The following ADAMTSL1 variants were observed in gnomAD, a reference collection of about 807,000 sequenced individuals.
ADAMTSL1 encodes ADAMTS like 1.
In ADAMTSL1, 126 loss-of-function variants were observed where a neutral mutation model predicts 201.8. The ratio of observed to expected loss-of-function variants is 0.62; its 90% confidence interval spans 0.54 to 0.72. ADAMTSL1 has a LOEUF of 0.72. ADAMTSL1 is among the 30% of genes least tolerant of loss of function. ADAMTSL1 has a pLI of 0.00. For synonymous variants in ADAMTSL1, 1,121 were observed against 903.4 expected, an observed-to-expected ratio of 1.24 and a Z score of -4.32; for missense variants, 2,679 against 2,277.8, an observed-to-expected ratio of 1.18 and a Z score of -3.59.
chr9:17,924,792 G>A (rs563561642), intron 1 of ADAMTSL1, among the ~76,000 whole-genome samples: 179 of 105,582 alleles, frequency 1.7e-3, no homozygotes, highest in Non-Finnish European at 2.8e-3. Flanking sequence ...ACATAGGCAT[G>A]GGCAAGGACT....
intron 19 of ADAMTSL1, 100 bp downstream of exon 19, chr9:18,778,006 G>C (rs1199679649): frequency 1.0e-5 from 15 of 1,459,338 alleles, no homozygotes; most frequent in Non-Finnish European, 1.4e-5. Context: ...TCCAGGGGTA[G>C]GGCTTAGAGC....
intron 2 of ADAMTSL1, among the ~76,000 whole-genome samples, chr9:18,513,570 A>G (rs777164458): frequency 6.6e-6 from 1 of 152,200 alleles, no homozygotes; most frequent in Non-Finnish European, 1.5e-5. Flanking sequence ...TCATTGCCAA[A>G]TCAATATTAG....
At chr9:18,165,140 C>T (rs1414016385) in intron 2 of ADAMTSL1, among the ~76,000 whole-genome samples, 4 of 151,856 alleles carry the variant, frequency 2.6e-5, no homozygotes, top group Admixed American at 2.6e-4. Context: ...TGGACCTACA[C>T]ATTGTCACCT....
chr9:18,170,016 TAC>T (rs1423373346), intron 2 of ADAMTSL1, among the ~76,000 whole-genome samples: 3 of 152,040 alleles, frequency 2.0e-5, no homozygotes, highest in Non-Finnish European at 4.4e-5. Flanking sequence ...GCACATTTGC[TAC>T]TTTGAGTTAT....
intron 1 of ADAMTSL1, among the ~76,000 whole-genome samples, chr9:17,932,746 C>G (rs370729687): frequency 5.9e-5 from 9 of 152,142 alleles, no homozygotes; most frequent in South Asian, 2.1e-4. Flanking sequence ...ATACAGTGAT[C>G]TAAGTAATCT....
intron 7 of ADAMTSL1, among the ~76,000 whole-genome samples, chr9:18,656,242 A>G (rs909617523): frequency 1.3e-5 from 2 of 151,854 alleles, no homozygotes; most frequent in Non-Finnish European, 2.9e-5. Context: ...TGTTTAATCC[A>G]CTTGTTAAAT....
intron 2 of ADAMTSL1, among the ~76,000 whole-genome samples, chr9:18,365,985 T>C (rs1836750015): frequency 6.6e-6 from 1 of 152,136 alleles, no homozygotes; most frequent in Non-Finnish European, 1.5e-5. Context: ...CCCAAACCTC[T>C]CGCCTGCCCT....
intron 2 of ADAMTSL1, among the ~76,000 whole-genome samples, chr9:18,278,375 A>G (rs1407718761): frequency 6.6e-6 from 1 of 152,176 alleles, no homozygotes; most frequent in African/African-American, 2.4e-5. Context: ...TTTGTCTAGG[A>G]AAGTCTTCAT....
At chr9:18,908,203 AGGG>A in intron 28 of ADAMTSL1, 1 of 542,360 alleles carries the variant, frequency 1.8e-6, no homozygotes, top group South Asian at 2.0e-5. Flanking sequence ...CAGCCCAGGG[AGGG>A]GCCCCATCAT....
chr9:18,604,440 C>T (rs757954048), intron 4 of ADAMTSL1, among the ~76,000 whole-genome samples: 1 of 152,184 alleles, frequency 6.6e-6, no homozygotes, highest in Non-Finnish European at 1.5e-5. Flanking sequence ...TCCTAACCCC[C>T]AGTAATCACC....
At chr9:18,686,900 C>T (rs772960594) in intron 13 of ADAMTSL1, among the ~76,000 whole-genome samples, 1 of 152,082 alleles carries the variant, frequency 6.6e-6, no homozygotes. Context: ...AGATGCATTA[C>T]GTTTAACTTT....
chr9:18,280,090 G>C (rs1290607319), intron 2 of ADAMTSL1, among the ~76,000 whole-genome samples: 1 of 152,130 alleles, frequency 6.6e-6, no homozygotes, highest in Non-Finnish European at 1.5e-5. Context: ...GAAGCGTGAG[G>C]GTATTGGAGC....
chr9:18,016,001 G>A (rs373640964), intron 1 of ADAMTSL1, among the ~76,000 whole-genome samples: 10 of 152,000 alleles, frequency 6.6e-5, no homozygotes, highest in Admixed American at 4.6e-4. Context: ...AGTTATTATG[G>A]CAGATCTAAT....
chr9:18,453,827 G>A (rs1220516462), intron 2 of ADAMTSL1, among the ~76,000 whole-genome samples: 1 of 152,128 alleles, frequency 6.6e-6, no homozygotes, highest in East Asian at 1.9e-4. Context: ...AGTGCTCTCT[G>A]TGCTATTAGA....
intron 1 of ADAMTSL1, among the ~76,000 whole-genome samples, chr9:18,483,333 A>G (rs1052300403): frequency 6.6e-6 from 1 of 152,234 alleles, no homozygotes; most frequent in Non-Finnish European, 1.5e-5. Context: ...GGATCCAGAT[A>G]CTGGAATCTT....
chr9:18,339,450 A>C (rs1835380393), intron 2 of ADAMTSL1, among the ~76,000 whole-genome samples: 2 of 152,196 alleles, frequency 1.3e-5, no homozygotes, highest in African/African-American at 2.4e-5. Context: ...AAAGTAAAAA[A>C]ATAACAGATG....
chr9:18,051,172 G>C (rs61549029), intron 1 of ADAMTSL1, among the ~76,000 whole-genome samples: 2,543 of 152,174 alleles, frequency 0.017, 59 homozygotes, highest in African/African-American at 0.058. Flanking sequence ...GTGGTGGCGG[G>C]CGCCTGTAGC....
intron 21 of ADAMTSL1, among the ~76,000 whole-genome samples, chr9:18,822,944 CGTT>C (rs1824305211): frequency 6.6e-6 from 1 of 152,046 alleles, no homozygotes; most frequent in African/African-American, 2.4e-5. Flanking sequence ...TTTAAAGCGT[CGTT>C]GTCATCTCCT....
chr9:18,854,378 G>T (rs1334568980), intron 23 of ADAMTSL1, among the ~76,000 whole-genome samples: 1 of 152,040 alleles, frequency 6.6e-6, no homozygotes, highest in African/African-American at 2.4e-5. Context: ...AGAAAGGTAT[G>T]GTTTTCTTTG....
Sources: gnomAD v4.1 joint callset for allele counts (sites outside exome capture counted in the v4.1 genomes callset) on GRCh38, gnomAD v4.1.1 for gene constraint, MANE v1.5 for transcripts, NCBI Gene and HGNC (gene_info 2026-07-23, HGNC 2026-07-21) for gene names.